Variants in ZNF536 observed in about 807,000 individuals in gnomAD.
ZNF536 encodes zinc finger protein 536.
Under a neutral mutation model 84.5 loss-of-function variants are expected in ZNF536, and 13 were observed. That is an observed-to-expected ratio of 0.15 (90% CI 0.10 to 0.24). The LOEUF is 0.24. Ranked by LOEUF, ZNF536 falls within the 10% of genes least tolerant of loss-of-function variation. ZNF536 has a pLI of 1.00. For synonymous variants in ZNF536, 811 were observed against 742.5 expected, an observed-to-expected ratio of 1.09 and a Z score of -1.50; for missense variants, 1,536 against 1,747.5, an observed-to-expected ratio of 0.88 and a Z score of 2.16.
intron 2 of ZNF536, among the ~76,000 whole-genome samples, chr19:30,309,662 C>T (rs1003572048): frequency 1.5e-4 from 23 of 152,250 alleles, no homozygotes; most frequent in Middle Eastern, 3.4e-3. Flanking sequence ...TAAAAACTTT[C>T]GTAAGAACAC....
intron 1 of ZNF536, among the ~76,000 whole-genome samples, chr19:30,585,337 G>A (rs554067015): frequency 1.2e-4 from 19 of 152,300 alleles, no homozygotes; most frequent in Admixed American, 3.3e-4. Context: ...GCCTGGCACA[G>A]AGTAGATTCT....
intron 1 of ZNF536, among the ~76,000 whole-genome samples, chr19:30,270,029 C>A (rs2025739380): frequency 6.6e-6 from 1 of 152,160 alleles, no homozygotes; most frequent in Admixed American, 6.5e-5. Context: ...TTTGAAAAGT[C>A]ATTTAAAAAT....
chr19:30,534,990 A>G lies in ZNF536; in HGVS notation c.2314A>G (p.Ile772Val). The change falls in exon 3 of 5, where the codon ATA (isoleucine) becomes GTA (valine). Residue 772 changes from isoleucine to valine, a missense_variant. Physicochemically the swap from Ile to Val is conservative, Grantham distance 29 (BLOSUM62 3). Coordinates refer to ENST00000355537, the MANE Select transcript of ZNF536 (RefSeq NM_014717.3). ...TSHHLKVHLRIHTGEKPYKCP... is the reference protein window; with the variant it reads ...TSHHLKVHLRVHTGEKPYKCP... The stretch of plus-strand genomic sequence containing the variant: ...CCATCACCTTAAGGTGCACCTGAGG[A>G]TACACACAGGTGAGAAGTCTGAGTG... The G allele has an allele frequency of 6.2e-7, 1 of 1,611,660 alleles. No homozygotes were observed. Among genetic ancestry groups the G allele is most frequent in the Non-Finnish European group, 8.5e-7 (1 of 1,178,816 alleles).
At chr19:30,650,919 G>A (rs1444605028) in intron 1 of ZNF536, among the ~76,000 whole-genome samples, 1 of 152,186 alleles carries the variant, frequency 6.6e-6, no homozygotes, top group Non-Finnish European at 1.5e-5. Flanking sequence ...CATATAAATA[G>A]CATTGAGAAC....
At chr19:30,602,612 C>T (rs947670322) in intron 1 of ZNF536, among the ~76,000 whole-genome samples, 5 of 152,140 alleles carry the variant, frequency 3.3e-5, no homozygotes, top group Non-Finnish European at 7.4e-5. Context: ...CCTGCTAAGA[C>T]CACGTGTGCA....
intron 1 of ZNF536, among the ~76,000 whole-genome samples, chr19:30,569,929 G>A (rs1269082477): frequency 6.6e-6 from 1 of 152,138 alleles, no homozygotes; most frequent in African/African-American, 2.4e-5. Context: ...GCTGTGGATA[G>A]CAGTGGTTCT....
chr19:30,234,819 GA>G (rs1393527266), intron 1 of ZNF536, among the ~76,000 whole-genome samples: 1 of 152,078 alleles, frequency 6.6e-6, no homozygotes, highest in Non-Finnish European at 1.5e-5. Flanking sequence ...CTTAGGTTGT[GA>G]AAGCCCACCT....
intron 1 of ZNF536, among the ~76,000 whole-genome samples, chr19:30,565,400 G>A (rs940951983): frequency 6.6e-6 from 1 of 152,126 alleles, no homozygotes; most frequent in African/African-American, 2.4e-5. Flanking sequence ...CCTTGCCCCG[G>A]TGGGGGCCCA....
intron 1 of ZNF536, among the ~76,000 whole-genome samples, chr19:30,255,250 G>A (rs2024850131): frequency 6.6e-6 from 1 of 152,056 alleles, no homozygotes; most frequent in African/African-American, 2.4e-5. Flanking sequence ...CTAATTCGGT[G>A]GGAACATATG....
At chr19:30,606,130 G>A (rs2047859039) in intron 1 of ZNF536, among the ~76,000 whole-genome samples, 1 of 144,328 alleles carries the variant, frequency 6.9e-6, no homozygotes, top group African/African-American at 2.6e-5. Context: ...CTCCAGGCTG[G>A]GTGACAAAGT....
chr19:30,411,467 C>A (rs992462210), intron 1 of ZNF536, among the ~76,000 whole-genome samples: 1 of 152,046 alleles, frequency 6.6e-6, no homozygotes, highest in Non-Finnish European at 1.5e-5. Flanking sequence ...TAAAAAAATT[C>A]TCCTATGATT....
intron 2 of ZNF536, among the ~76,000 whole-genome samples, chr19:30,492,836 G>A (rs1690703960): frequency 6.6e-6 from 1 of 152,104 alleles, no homozygotes; most frequent in Non-Finnish European, 1.5e-5. Flanking sequence ...CTTCTGACTA[G>A]CCAGCCCTAT....
At chr19:30,323,367 C>T (rs974121388) in intron 2 of ZNF536, among the ~76,000 whole-genome samples, 1 of 152,226 alleles carries the variant, frequency 6.6e-6, no homozygotes, top group African/African-American at 2.4e-5. Context: ...GCGACATCTC[C>T]TACCTCCCGT....
chr19:30,366,120 C>T (rs766559454), intron 3 of ZNF536, among the ~76,000 whole-genome samples: 4 of 152,166 alleles, frequency 2.6e-5, no homozygotes, highest in Non-Finnish European at 5.9e-5. Flanking sequence ...ACAGTAAGTT[C>T]TCCTCTGTCT....
intron 1 of ZNF536, among the ~76,000 whole-genome samples, chr19:30,583,988 A>G (rs958031105): frequency 6.6e-6 from 1 of 152,086 alleles, no homozygotes; most frequent in South Asian, 2.1e-4. Flanking sequence ...TCAGGGTGGG[A>G]TGCTACTGCT....
intron 3 of ZNF536, among the ~76,000 whole-genome samples, chr19:30,358,200 T>C (rs886160266): frequency 6.6e-6 from 1 of 152,186 alleles, no homozygotes; most frequent in African/African-American, 2.4e-5. Flanking sequence ...ACCTTTATGA[T>C]CAAAGCCACC....
intron 1 of ZNF536, among the ~76,000 whole-genome samples, chr19:30,594,257 A>G (rs1167534218): frequency 6.6e-6 from 1 of 152,222 alleles, no homozygotes; most frequent in Non-Finnish European, 1.5e-5. Flanking sequence ...ATCTGTCCAT[A>G]CACGGCCAGC....
Position 30,445,295 on chromosome 19 carries a change from T to C in ZNF536, c.1733T>C (p.Met578Thr). ...GGAGCAGATGGCTCCAAGCAGAAAATGCCTGCTGATTTGGTTCACAGCACT... is the reference window on the plus strand; with the variant it reads ...GGAGCAGATGGCTCCAAGCAGAAAACGCCTGCTGATTTGGTTCACAGCACT... ...LVGADGSKQK[M>T]PADLVHSTKV... Residue 578 changes from methionine to threonine, a missense_variant, in exon 2 of 5, where the codon ATG becomes ACG. Met to Thr is a moderately conservative substitution (Grantham distance 81). Transcript: ENST00000355537. The surrounding 1 kb of genome is among the most constrained non-coding windows in gnomAD (Gnocchi z 4.5). 1.2e-6 allele frequency: 2 copies of C among 1,614,090 alleles called. No homozygotes were observed. Among genetic ancestry groups the C allele is most frequent in the Non-Finnish European group, 1.7e-6 (2 of 1,180,028 alleles).
intron 1 of ZNF536, among the ~76,000 whole-genome samples, chr19:30,244,386 C>T (rs1478779218): frequency 1.3e-5 from 2 of 152,278 alleles, no homozygotes; most frequent in South Asian, 2.1e-4. Flanking sequence ...TCACTGCTGC[C>T]TGTCTTCCTT....
Sources: gnomAD v4.1 joint callset for allele counts (sites outside exome capture counted in the v4.1 genomes callset) on GRCh38, gnomAD v4.1.1 for gene constraint, Gnocchi (gnomAD v3.1) non-coding constraint, MANE v1.5 for transcripts, NCBI Gene and HGNC (gene_info 2026-07-23, HGNC 2026-07-21) for gene names.